Variants in SORCS1 observed in about 807,000 individuals in gnomAD.
SORCS1 encodes the protein VPS10 domain-containing receptor SorCS1.
SORCS1 carries 60 observed loss-of-function variants against 146.1 expected under a neutral mutation model. That is an observed-to-expected ratio of 0.41 (90% CI 0.33 to 0.51). SORCS1 has a LOEUF of 0.51. Among genes scored for constraint, SORCS1 ranks in the 20% least tolerant of loss-of-function variants. The pLI, the probability that SORCS1 is intolerant of heterozygous loss-of-function variation, is 0.21. For synonymous variants in SORCS1, 637 were observed against 584.0 expected, an observed-to-expected ratio of 1.09 and a Z score of -1.31; for missense variants, 1,352 against 1,487.6, an observed-to-expected ratio of 0.91 and a Z score of 1.50.
Position 107,099,378 on chromosome 10 carries a change from C to T in SORCS1, c.558+64591G>A, listed in dbSNP as rs74154849. On this transcript the variant is annotated intron_variant, in intron 1 of 25. Coordinates refer to ENST00000263054, the MANE Select transcript of SORCS1 (RefSeq NM_052918.5). Reference sequence around the variant, plus strand: ...CCATCTCTTAATATGTGACCCTTTCCATGAGCATTTCCAAATACTGACCTA... The same window carrying T: ...CCATCTCTTAATATGTGACCCTTTCTATGAGCATTTCCAAATACTGACCTA... Among the ~76,000 whole-genome samples the T allele has an allele frequency of 3.1e-3, 466 of 152,290 alleles. 2 individuals carry two copies. Among genetic ancestry groups the T allele is most frequent in the African/African-American group, 0.011 (444 of 41,560 alleles).
At chr10:107,029,239 A>C (rs773584236) in intron 1 of SORCS1, among the ~76,000 whole-genome samples, 8 of 152,212 alleles carry the variant, frequency 5.3e-5, no homozygotes, top group Non-Finnish European at 1.0e-4. Context: ...TTGGTCATTC[A>C]CTGGCACGCT....
intron 2 of SORCS1, among the ~76,000 whole-genome samples, chr10:106,841,251 C>T (rs1268991451): frequency 2.0e-5 from 3 of 152,048 alleles, no homozygotes; most frequent in Non-Finnish European, 2.9e-5. Context: ...GGGCAGATCA[C>T]TTGAGGTCAG....
chr10:106,643,053 G>C (rs1564809778), intron 18 of SORCS1, among the ~76,000 whole-genome samples: 1 of 152,262 alleles, frequency 6.6e-6, no homozygotes, highest in East Asian at 1.9e-4. Context: ...GTTCTTCTTA[G>C]AAAATGGTTC....
At chr10:107,158,245 T>C (rs1969441147) in intron 1 of SORCS1, among the ~76,000 whole-genome samples, 1 of 152,226 alleles carries the variant, frequency 6.6e-6, no homozygotes, top group Admixed American at 6.5e-5. Context: ...GCTTGGAATG[T>C]ACCCAAATTT....
chr10:107,066,947 T>C (rs1388225257), intron 1 of SORCS1, among the ~76,000 whole-genome samples: 1 of 152,232 alleles, frequency 6.6e-6, no homozygotes, highest in African/African-American at 2.4e-5. Context: ...AGAGAAGTTC[T>C]AGCCCTATTG....
At chr10:107,089,833 T>C (rs1301568685) in intron 1 of SORCS1, among the ~76,000 whole-genome samples, 1 of 152,142 alleles carries the variant, frequency 6.6e-6, no homozygotes, top group Non-Finnish European at 1.5e-5. Flanking sequence ...CAAAACTAGA[T>C]TCAAGTTACT....
At chr10:106,833,564 T>G (rs567825842) in intron 2 of SORCS1, among the ~76,000 whole-genome samples, 1 of 152,280 alleles carries the variant, frequency 6.6e-6, no homozygotes, top group Non-Finnish European at 1.5e-5. Context: ...GCTTATCACC[T>G]ATGGTCTCTC....
At chr10:106,948,623 G>A (rs1368986234) in intron 2 of SORCS1, among the ~76,000 whole-genome samples, 2 of 151,138 alleles carry the variant, frequency 1.3e-5, no homozygotes, top group East Asian at 2.0e-4. Context: ...TTATTCCACT[G>A]CCTCAGTGAC....
chr10:107,115,331 C>T (rs1475321009), intron 1 of SORCS1, among the ~76,000 whole-genome samples: 4 of 151,706 alleles, frequency 2.6e-5, no homozygotes, highest in East Asian at 1.9e-4. Flanking sequence ...AAGCTAGAGG[C>T]ATCACACTGC....
At chr10:107,155,564 A>C (rs918199723) in intron 1 of SORCS1, among the ~76,000 whole-genome samples, 1 of 152,206 alleles carries the variant, frequency 6.6e-6, no homozygotes, top group African/African-American at 2.4e-5. Context: ...ATAAATTTCT[A>C]AACCAGGGTG....
intron 2 of SORCS1, among the ~76,000 whole-genome samples, chr10:106,878,238 C>T (rs1311480331): frequency 6.6e-6 from 1 of 150,794 alleles, no homozygotes; most frequent in East Asian, 2.0e-4. Context: ...TGGGGTACCA[C>T]TGTCTTCTGG....
Position 106,575,040 on chromosome 10 carries a change from A to C in SORCS1, c.*2380T>G, listed in dbSNP as rs1302536267. Reference sequence around the variant, plus strand: ...AATAAGAGTGTTATACCTCTTTCATACTTTTCTAATTAAAATGAATTGAAC... The same window carrying C: ...AATAAGAGTGTTATACCTCTTTCATCCTTTTCTAATTAAAATGAATTGAAC... On this transcript the variant is annotated 3_prime_UTR_variant, in exon 26 of 26. Transcript: ENST00000263054. The C allele has an allele frequency of 1.3e-5, 2 of 152,602 alleles. No individual in the cohort carries two copies. The highest frequency in any genetic ancestry group is 4.8e-5 in the African/African-American group (2 of 41,430). 9.5% of individuals were successfully genotyped at this position (152,602 alleles called of 1,614,324 possible). A position where few individuals can be genotyped will look rare whatever the true frequency, so the allele number is the denominator to read the frequency against.
intron 5 of SORCS1, among the ~76,000 whole-genome samples, chr10:106,741,469 G>A (rs1233166760): frequency 1.3e-5 from 2 of 152,242 alleles, no homozygotes; most frequent in Non-Finnish European, 2.9e-5. Context: ...GTGGTGGCAT[G>A]CACCTGTAAT....
At chr10:106,877,822 A>G (rs1950648834) in intron 2 of SORCS1, among the ~76,000 whole-genome samples, 1 of 152,160 alleles carries the variant, frequency 6.6e-6, no homozygotes, top group African/African-American at 2.4e-5. Flanking sequence ...GGGAGGAGAC[A>G]TGCCACAAAA....
chr10:106,935,156 T>G (rs1015661174), intron 2 of SORCS1, among the ~76,000 whole-genome samples: 2 of 152,246 alleles, frequency 1.3e-5, no homozygotes, highest in African/African-American at 4.8e-5. Flanking sequence ...TCAGAAGCAT[T>G]TAGGTATTTT....
chr10:106,709,154 A>G, intron 7 of SORCS1, 69 bp downstream of exon 7: 1 of 1,226,656 alleles, frequency 8.2e-7, no homozygotes, highest in Non-Finnish European at 1.2e-6. Flanking sequence ...AGTGTAAAGC[A>G]GGCAAAAGGG....
chr10:106,806,330 T>C (rs2136706382), intron 3 of SORCS1, among the ~76,000 whole-genome samples: 1 of 150,520 alleles, frequency 6.6e-6, no homozygotes, highest in African/African-American at 2.4e-5. Flanking sequence ...ATCAGGCCAT[T>C]GTACTCCAGC....
chr10:106,578,858 T>G, intron 25 of SORCS1: 1 of 1,360,592 alleles, frequency 7.3e-7, no homozygotes, highest in South Asian at 1.8e-5. Flanking sequence ...TTAGGGAGGG[T>G]TTTGCAAAAG....
At chr10:106,579,787 G>A (rs1373096266) in intron 24 of SORCS1, among the ~76,000 whole-genome samples, 1 of 151,896 alleles carries the variant, frequency 6.6e-6, no homozygotes, top group East Asian at 1.9e-4. Context: ...TACCTTATGT[G>A]GTAAAATAAA....
Sources: allele counts gnomAD v4.1 joint callset (sites outside exome capture counted in the v4.1 genomes callset), GRCh38; gene constraint gnomAD v4.1.1; transcripts MANE v1.5; gene names NCBI Gene and HGNC (gene_info 2026-07-23, HGNC 2026-07-21).